The following SPOCK3 variants were observed in gnomAD, a reference collection of about 807,000 sequenced individuals.
SPOCK3 encodes testican-3.
Under a neutral mutation model 56.6 loss-of-function variants are expected in SPOCK3, and 30 were observed. The ratio of observed to expected loss-of-function variants is 0.53; its 90% CI spans 0.40 to 0.72. The LOEUF is 0.72. Ranked by LOEUF, SPOCK3 falls within the 30% of genes least tolerant of loss-of-function variation. SPOCK3 has a pLI of 0.00. For missense variants in SPOCK3, 527 were observed against 530.0 expected, an observed-to-expected ratio of 0.99 and a Z score of 0.06; for synonymous variants, 196 against 183.3, an observed-to-expected ratio of 1.07 and a Z score of -0.56.
At chr4:166,994,701 A>T (rs753047101) in intron 4 of SPOCK3, among the ~76,000 whole-genome samples, 2 of 152,166 alleles carry the variant, frequency 1.3e-5, no homozygotes, top group African/African-American at 4.8e-5. Context: ...TATGAGAAAC[A>T]TGCTTTCTGT....
chr4:167,083,496 C>A (rs531713774), intron 2 of SPOCK3, among the ~76,000 whole-genome samples: 1 of 152,248 alleles, frequency 6.6e-6, no homozygotes, highest in South Asian at 2.1e-4. Flanking sequence ...ATGCAGACTG[C>A]TCCGCTGTGT....
intron 6 of SPOCK3, among the ~76,000 whole-genome samples, chr4:166,862,903 A>G (rs1424764135): frequency 1.3e-5 from 2 of 152,116 alleles, no homozygotes; most frequent in African/African-American, 4.8e-5. Flanking sequence ...TTCAGGAAAT[A>G]CAGAGAATAC....
intron 5 of SPOCK3, among the ~76,000 whole-genome samples, chr4:166,898,859 T>C (rs1406379056): frequency 6.6e-6 from 1 of 152,174 alleles, no homozygotes. Flanking sequence ...TCAAACATTA[T>C]TTCTGGGCAT....
At chr4:167,009,629 A>C (rs191235238) in intron 3 of SPOCK3, among the ~76,000 whole-genome samples, 92 of 151,816 alleles carry the variant, frequency 6.1e-4, no homozygotes, top group African/African-American at 2.1e-3. Flanking sequence ...TCACAATACC[A>C]AAAAAAACAA....
rs555441876 is a variant in SPOCK3, at chr4:166,946,262, C to A, written c.351-33519G>T. On this transcript the variant is annotated intron_variant, in intron 4 of 10. Transcript: ENST00000357545. Reference sequence around the variant, plus strand: ...CAAAACATAACTCAGGCCATATACTCCTTTGTTTAAGACCCTGCAATGGCT... The same window carrying A: ...CAAAACATAACTCAGGCCATATACTACTTTGTTTAAGACCCTGCAATGGCT... 2.0e-5 allele frequency among the ~76,000 whole-genome samples: 3 copies of A among 152,238 alleles called. No individual in the cohort carries two copies. The South Asian group carries it at 6.2e-4, about 32-fold the overall frequency.
chr4:167,071,935 T>C (rs964227990), intron 2 of SPOCK3, among the ~76,000 whole-genome samples: 1 of 152,086 alleles, frequency 6.6e-6, no homozygotes, highest in Admixed American at 6.6e-5. Context: ...TGAGATGGTA[T>C]CTCATTGTGG....
chr4:166,770,654 G>T (rs4860020), intron 7 of SPOCK3, among the ~76,000 whole-genome samples: 5 of 151,882 alleles, frequency 3.3e-5, no homozygotes, highest in Non-Finnish European at 7.4e-5. Flanking sequence ...TACCAAGATG[G>T]AAGTTTTAAA....
At chr4:167,029,713 A>G (rs1008455065) in intron 3 of SPOCK3, among the ~76,000 whole-genome samples, 1 of 151,994 alleles carries the variant, frequency 6.6e-6, no homozygotes, top group African/African-American at 2.4e-5. Flanking sequence ...ATTTTTCTTT[A>G]TATTTGCTGT....
At chr4:166,856,283 G>A (rs756450110) in intron 6 of SPOCK3, among the ~76,000 whole-genome samples, 5 of 152,006 alleles carry the variant, frequency 3.3e-5, no homozygotes, top group Non-Finnish European at 5.9e-5. Context: ...GCACAGCATG[G>A]TGACTGTAGT....
At chr4:167,034,509 C>A (rs1267975706) in intron 3 of SPOCK3, among the ~76,000 whole-genome samples, 1 of 152,038 alleles carries the variant, frequency 6.6e-6, no homozygotes, top group Non-Finnish European at 1.5e-5. Context: ...TAATTAAAAA[C>A]ACTACCACAA....
At position 167,080,748 on chromosome 4, in the gene SPOCK3, A is replaced by G. The variant is rs1425888521; in HGVS notation, c.190-18211T>C. 2.0e-5 allele frequency among the ~76,000 whole-genome samples: 3 copies of G among 152,036 alleles called. No homozygotes were observed. The East Asian group carries it at 5.8e-4, about 29-fold the overall frequency. On this transcript the variant is annotated intron_variant, in intron 2 of 10. Coordinates refer to ENST00000357545, the MANE Select transcript of SPOCK3 (RefSeq NM_001040159.2). The stretch of plus-strand genomic sequence containing the variant: ...GAGATAGAAAAATAAATGGCATGTT[A>G]GATTATCTCTTGCAAGGAGGCTGGG...
chr4:167,198,842 G>A (rs1427375460), intron 2 of SPOCK3, among the ~76,000 whole-genome samples: 1 of 151,972 alleles, frequency 6.6e-6, no homozygotes, highest in African/African-American at 2.4e-5. Flanking sequence ...TAATAGATTG[G>A]AGCAAAAGTA....
chr4:166,926,145 A>G (rs533379358), intron 4 of SPOCK3, among the ~76,000 whole-genome samples: 1 of 151,452 alleles, frequency 6.6e-6, no homozygotes, highest in African/African-American at 2.4e-5. Flanking sequence ...TGATGACATA[A>G]TAATCCCTTT....
intron 2 of SPOCK3, among the ~76,000 whole-genome samples, chr4:167,072,007 A>G (rs1756733267): frequency 6.6e-6 from 1 of 152,060 alleles, no homozygotes; most frequent in Admixed American, 6.6e-5. Flanking sequence ...ACATGTAAAA[A>G]CATTTAATAA....
At chr4:166,770,365 T>G (rs762596014) in intron 7 of SPOCK3, among the ~76,000 whole-genome samples, 11 of 152,158 alleles carry the variant, frequency 7.2e-5, no homozygotes, top group Non-Finnish European at 1.6e-4. Flanking sequence ...TGTATGTGAT[T>G]AGATAGGGCC....
At chr4:166,813,488 T>C (rs1163445586) in intron 6 of SPOCK3, among the ~76,000 whole-genome samples, 1 of 152,032 alleles carries the variant, frequency 6.6e-6, no homozygotes, top group African/African-American at 2.4e-5. Flanking sequence ...ATTTATTTGC[T>C]CAAATAATAA....
At chr4:167,109,485 A>AT (rs1760693302) in intron 2 of SPOCK3, among the ~76,000 whole-genome samples, 1 of 106,088 alleles carries the variant, frequency 9.4e-6, no homozygotes, top group African/African-American at 3.5e-5. Flanking sequence ...ATTTATATAA[A>AT]ATATATTTAT....
At chr4:167,059,258 A>C (rs191309605) in intron 3 of SPOCK3, among the ~76,000 whole-genome samples, 2 of 152,240 alleles carry the variant, frequency 1.3e-5, no homozygotes, top group South Asian at 2.1e-4. Flanking sequence ...CTCTTCTGAC[A>C]AAGGGCTAAT....
chr4:167,181,373 G>A (rs1731440725), intron 2 of SPOCK3, among the ~76,000 whole-genome samples: 1 of 152,100 alleles, frequency 6.6e-6, no homozygotes, highest in Non-Finnish European at 1.5e-5. Context: ...TATCTCTGTT[G>A]CTACAGGTTA....
Sources: allele counts gnomAD v4.1 joint callset (sites outside exome capture counted in the v4.1 genomes callset), GRCh38; gene constraint gnomAD v4.1.1; transcripts MANE v1.5; gene names NCBI Gene and HGNC (gene_info 2026-07-23, HGNC 2026-07-21).